The following CXCL10 variants were observed in gnomAD, a reference collection of about 807,000 sequenced individuals.
CXCL10 encodes C-X-C motif chemokine ligand 10.
A neutral mutation model predicts 10.8 loss-of-function variants in CXCL10; 6 were observed. The ratio of observed to expected loss-of-function variants is 0.55; its 90% confidence interval spans 0.30 to 1.09. The LOEUF is 1.09. CXCL10 is among the 50% of genes least tolerant of loss of function. The pLI is 0.06. For synonymous variants in CXCL10, 35 were observed against 35.8 expected (o/e 0.98, Z 0.08); for missense variants, 114 against 114.3 (o/e 1.00, Z 0.01).
chr4:76,022,298 A>G lies in CXCL10; in HGVS notation c.278+68T>C, dbSNP rs561249101. 1.7e-5 allele frequency: 22 copies of G among 1,279,150 alleles called. No homozygotes were observed. In the East Asian group the frequency reaches 5.1e-4, roughly 29 times the overall value. The allele number at this position is 1,279,150 out of a possible 1,614,324, so 79.2% of individuals were successfully genotyped here. A position where few individuals can be genotyped will look rare whatever the true frequency, so the allele number is the denominator to read the frequency against. On this transcript the variant is annotated intron_variant, in intron 3 of 3. Transcript: ENST00000306602. ...CGATTGCACAGCAAACCACAATGCA[A>G]GTATTTCTGACTCCCAAGATTGCCG...
chr4:76,022,837 G>T lies in CXCL10; in HGVS notation c.62-20C>A. On this transcript the variant is annotated intron_variant, in intron 1 of 3. Coordinates refer to ENST00000306602, the MANE Select transcript of CXCL10 (RefSeq NM_001565.4). ...GTACTCCTGTAGGAAAAGAGGAACA[G>T]CAGAGAAGGTTAGCACAGTGTTCAT... is the stretch of plus-strand genomic sequence containing the variant. 1 of 1,602,984 alleles carries T rather than the reference G, an allele frequency of 6.2e-7. No homozygotes were observed. The highest frequency in any genetic ancestry group is 8.5e-7 in the Non-Finnish European group (1 of 1,178,676).
chr4:76,021,622 A>G lies in CXCL10; in HGVS notation c.*308T>C. ...AAAGATTCCTTAGTACCCTTGGAAGATGGGAAAGGTGAGGGAAATATTTGA... is the reference window on the plus strand; with the variant it reads ...AAAGATTCCTTAGTACCCTTGGAAGGTGGGAAAGGTGAGGGAAATATTTGA... On this transcript the variant is annotated 3_prime_UTR_variant, in exon 4 of 4. Coordinates refer to ENST00000306602, the MANE Select transcript of CXCL10 (RefSeq NM_001565.4). 2.9e-6 allele frequency: 1 copy of G among 342,698 alleles called. No individual in the cohort carries two copies. The allele number at this position is 342,698 out of a possible 1,614,324, so 21.2% of individuals were successfully genotyped here.
In CXCL10 at chr4:76,021,920, C is replaced by T. The variant is rs1732858891; in HGVS notation, c.*10G>A. The T allele has an allele frequency of 6.2e-7, 1 of 1,611,178 alleles. No individual in the cohort carries two copies. The highest frequency in any genetic ancestry group is 1.1e-5 in the South Asian group (1 of 91,002). On this transcript the variant is annotated 3_prime_UTR_variant, in exon 4 of 4. Transcript: ENST00000306602. ...TGGAAGCACTGCATCGATTTTGCTC[C>T]CCTCTGGTTTTAAGGAGATCTTTTA... is the stretch of plus-strand genomic sequence containing the variant.
intron 2 of CXCL10, 79 bp from the exon 3 acceptor site, chr4:76,022,534 C>G: frequency 6.6e-7 from 1 of 1,506,084 alleles, no homozygotes; most frequent in Non-Finnish European, 9.2e-7. Flanking sequence ...GTTCTGAAGT[C>G]AGACATTTAA....
In CXCL10 at chr4:76,022,465, T is replaced by C. The variant is rs372262736; in HGVS notation, c.189-10A>G. On this transcript the variant is annotated splice_polypyrimidine_tract_variant and intron_variant, in intron 2 of 3. Coordinates refer to ENST00000306602, the MANE Select transcript of CXCL10 (RefSeq NM_001565.4). ...CTTTTTCATTGTAGCACTGTAGAAA[T>C]AAATAGGGATGAAAATATTTAAAAC... 1.8e-4 allele frequency: 288 copies of C among 1,608,340 alleles called. No individual in the cohort carries two copies. The highest frequency in any genetic ancestry group is 2.4e-4 in the Non-Finnish European group (279 of 1,176,796).
Position 76,021,741 on chromosome 4 carries a change from T to C in CXCL10, c.*189A>G. On this transcript the variant is annotated 3_prime_UTR_variant, in exon 4 of 4. Transcript: ENST00000306602. ...GTTATTACTGAATAGCTTAGGATGA[T>C]GAACATTAACCTTCCTACAGGAGTA... The C allele has an allele frequency of 1.5e-6, 1 of 653,284 alleles. No individual in the cohort carries two copies. Among genetic ancestry groups the C allele is most frequent in the South Asian group, 1.8e-5 (1 of 54,332 alleles). 40.5% of individuals were successfully genotyped at this position (653,284 alleles called of 1,614,324 possible).
rs760437717 is a variant in CXCL10 at position 76,022,776 on chromosome 4, T to C, written c.103A>G (p.Ile35Val). The change falls in exon 2 of 4, where the codon ATT (isoleucine) becomes GTT (valine). Residue 35 changes from isoleucine (I) to valine (V), a missense_variant. By Grantham distance (29) the Ile-to-Val change is conservative. Coordinates refer to ENST00000306602, the MANE Select transcript of CXCL10 (RefSeq NM_001565.4). ...SRTVRCTCISISNQPVNPRSL... is the reference protein window; with the variant it reads ...SRTVRCTCISVSNQPVNPRSL... ...CTTGGATTAACAGGTTGATTACTAA[T>C]GCTGATGCAGGTACAGCGTACAGTT... 3.7e-6 allele frequency: 6 copies of C among 1,613,062 alleles called. No homozygotes were observed. The South Asian group carries it at 6.6e-5, about 18-fold the overall frequency.
Position 76,021,895 on chromosome 4 carries a change from T to G in CXCL10, c.*35A>C, listed in dbSNP as rs1732855258. Reference sequence around the variant, plus strand: ...AGGCAGCCTCTGTGTGGTCCATCCTTGGAAGCACTGCATCGATTTTGCTCC... The same window carrying G: ...AGGCAGCCTCTGTGTGGTCCATCCTGGGAAGCACTGCATCGATTTTGCTCC... On this transcript the variant is annotated 3_prime_UTR_variant, in exon 4 of 4. Coordinates refer to ENST00000306602, the MANE Select transcript of CXCL10 (RefSeq NM_001565.4). 6.2e-7 allele frequency: 1 copy of G among 1,600,380 alleles called. No individual in the cohort carries two copies. Among genetic ancestry groups the G allele is most frequent in the Non-Finnish European group, 8.6e-7 (1 of 1,167,676 alleles).
At chr4:76,022,898 G>C in intron 1 of CXCL10, 81 bp from the exon 2 acceptor site, 1 of 1,433,380 alleles carries the variant, frequency 7.0e-7, no homozygotes, top group South Asian at 1.3e-5. Context: ...GTATTTAGCA[G>C]AACCTATATC....
At chr4:76,022,260 A>T in intron 3 of CXCL10, 106 bp downstream of exon 3, 1 of 913,900 alleles carries the variant, frequency 1.1e-6, no homozygotes, top group Non-Finnish European at 1.8e-6. Flanking sequence ...GTGGTAACAT[A>T]CTTTTAAACC....
rs1406978660 is a variant in CXCL10 at position 76,022,428 on chromosome 4, C to CT, written c.215dup (p.Arg73GlufsTer18). On this transcript the variant is annotated frameshift_variant, in exon 3 of 4. Coordinates refer to ENST00000306602, the MANE Select transcript of CXCL10 (RefSeq NM_001565.4). LOFTEE classifies it high-confidence loss of function. The stretch of plus-strand genomic sequence containing the variant: ...CCTTCGATTCTGGATTCAGACATCT[C>CT]TTCTCACCCTTCTTTTTCATTGTAG... 22 of 1,613,248 alleles carry CT rather than the reference C, an allele frequency of 1.4e-5. No individual in the cohort carries two copies. Among genetic ancestry groups the CT allele is most frequent in the Admixed American group, 1.7e-5 (1 of 60,006 alleles).
intron 3 of CXCL10, among the ~76,000 whole-genome samples, 189 bp from the exon 4 acceptor site, chr4:76,022,137 TTAGA>T (rs559937207): frequency 1.0e-3 from 156 of 152,306 alleles, no homozygotes; most frequent in Non-Finnish European, 2.1e-3. Flanking sequence ...TCAGTTTTGC[TTAGA>T]TAGTTATAGC....
intron 2 of CXCL10, 61 bp downstream of exon 2, chr4:76,022,630 A>G (rs1446224150): frequency 5.2e-6 from 8 of 1,539,926 alleles, no homozygotes; most frequent in African/African-American, 1.4e-5. Context: ...TTATCATTAC[A>G]TATTTAATAC....
At chr4:76,022,030 T>G (rs927972076) in intron 3 of CXCL10, 82 bp from the exon 4 acceptor site, 1 of 1,277,850 alleles carries the variant, frequency 7.8e-7, no homozygotes, top group Non-Finnish European at 1.1e-6. Context: ...AGTACCGAGT[T>G]CATAGAATAG....
At position 76,021,885 on chromosome 4, in the gene CXCL10, G is replaced by C. The variant is rs372556969; in HGVS notation, c.*45C>G. The C allele has an allele frequency of 6.3e-7, 1 of 1,578,246 alleles. No homozygotes were observed. Among genetic ancestry groups the C allele is most frequent in the Admixed American group, 1.7e-5 (1 of 59,968 alleles). On this transcript the variant is annotated 3_prime_UTR_variant, in exon 4 of 4. Coordinates refer to ENST00000306602, the MANE Select transcript of CXCL10 (RefSeq NM_001565.4). ...GTGATGGGAGAGGCAGCCTCTGTGT[G>C]GTCCATCCTTGGAAGCACTGCATCG...
At position 76,022,433 on chromosome 4, in the gene CXCL10, C is replaced by G. The variant is rs995105076; in HGVS notation, c.211G>C (p.Glu71Gln). ...GATTCTGGATTCAGACATCTCTTCT[C>G]ACCCTTCTTTTTCATTGTAGCACTG... ...EIIATMKKKG[E>Q]KRCLNPESKA... The change falls in exon 3 of 4, where the codon GAG (glutamate) becomes CAG (glutamine). Residue 71 changes from glutamate (E) to glutamine (Q), a missense_variant. Physicochemically the swap from Glu to Gln is conservative, Grantham distance 29. Coordinates refer to ENST00000306602, the MANE Select transcript of CXCL10 (RefSeq NM_001565.4). The G allele has an allele frequency of 6.2e-7, 1 of 1,613,230 alleles. No individual in the cohort carries two copies. Among genetic ancestry groups the G allele is most frequent in the Non-Finnish European group, 8.5e-7 (1 of 1,179,922 alleles).
intron 3 of CXCL10, 93 bp from the exon 4 acceptor site, chr4:76,022,041 A>AAGTT: frequency 8.4e-7 from 1 of 1,194,556 alleles, no homozygotes; most frequent in Non-Finnish European, 1.2e-6. Flanking sequence ...CATAGAATAG[A>AAGTT]TAACTGAGCT....
Position 76,022,414 on chromosome 4 carries a change from G to A in CXCL10, c.230C>T (p.Pro77Leu), listed in dbSNP as rs935617551. ...TAAATTCTTGATGGCCTTCGATTCTGGATTCAGACATCTCTTCTCACCCTT... is the reference window on the plus strand; with the variant it reads ...TAAATTCTTGATGGCCTTCGATTCTAGATTCAGACATCTCTTCTCACCCTT... The part of the protein sequence containing the change: ...KKKGEKRCLN[P>L]ESKAIKNLLK... Residue 77 changes from proline (P) to leucine (L), a missense_variant, in exon 3 of 4, where the codon CCA becomes CTA. Coordinates refer to ENST00000306602, the MANE Select transcript of CXCL10 (RefSeq NM_001565.4). The A allele has an allele frequency of 1.2e-6, 2 of 1,613,540 alleles. No individual in the cohort carries two copies. The highest frequency in any genetic ancestry group is 1.1e-5 in the South Asian group (1 of 91,076).
Position 76,021,944 on chromosome 4 carries a change from T to G in CXCL10, c.283A>C (p.Lys95Gln), listed in dbSNP as rs1367480487. The change falls in exon 4 of 4, where the codon AAA becomes CAA. Residue 95 changes from lysine to glutamine, a missense_variant. Transcript: ENST00000306602. ...LLKAVSKERS[K>Q]RSP ...CCCCTCTGGTTTTAAGGAGATCTTT[T>G]AGACCTGTAAGAAGAGAAAGGGGAT... 3.1e-6 allele frequency: 5 copies of G among 1,611,282 alleles called. No homozygotes were observed. The Admixed American group carries it at 5.0e-5, about 16-fold the overall frequency.
Sources: gnomAD v4.1 joint callset for allele counts (sites outside exome capture counted in the v4.1 genomes callset) on GRCh38, gnomAD v4.1.1 for gene constraint, MANE v1.5 for transcripts, NCBI Gene and HGNC (gene_info 2026-07-23, HGNC 2026-07-21) for gene names.